The following PIAS1 variants were observed in gnomAD, a reference collection of about 807,000 sequenced individuals.
The protein encoded by PIAS1 is protein inhibitor of activated STAT 1.
In PIAS1, 6 loss-of-function variants were observed where a neutral mutation model predicts 71.3. The observed-to-expected ratio is 0.08, with a 90% confidence interval of 0.05 to 0.17. The LOEUF (loss-of-function observed/expected upper bound fraction) is 0.17, where lower values mean the gene tolerates loss of function less well. Among genes scored for constraint, PIAS1 ranks in the 10% least tolerant of loss-of-function variants. The pLI is 1.00. For missense variants in PIAS1, 555 were observed against 793.6 expected, an observed-to-expected ratio of 0.70 and a Z score of 3.61; for synonymous variants, 303 against 292.9, an observed-to-expected ratio of 1.03 and a Z score of -0.35.
At chr15:68,142,426 G>A (rs535945110) in intron 4 of PIAS1, 89 bp downstream of exon 4, 11 of 988,674 alleles carry the variant, frequency 1.1e-5, no homozygotes, top group South Asian at 7.4e-5. Flanking sequence ...AGTGCTGACT[G>A]TAGGATATAT....
At chr15:68,165,804 G>A (rs1373231722) in intron 8 of PIAS1, among the ~76,000 whole-genome samples, 1 of 152,074 alleles carries the variant, frequency 6.6e-6, no homozygotes, top group African/African-American at 2.4e-5. Flanking sequence ...TGACATTTTG[G>A]TTACTTTTTG....
At position 68,146,703 on chromosome 15, in the gene PIAS1, A is replaced by G; in HGVS notation, c.828+3A>G. ...CTTGGACTGCAGAAATTGGAAGAGT[A>G]AGTAAATTTTTGTTTCTACCAGATT... On this transcript the variant is annotated splice_donor_region_variant and intron_variant, in intron 6 of 13. Coordinates refer to ENST00000249636, the MANE Select transcript of PIAS1 (RefSeq NM_016166.3). 6.2e-7 allele frequency: 1 copy of G among 1,603,342 alleles called. No homozygotes were observed. The highest frequency in any genetic ancestry group is 8.5e-7 in the Non-Finnish European group (1 of 1,173,392).
chr15:68,115,725 TC>T (rs2092560020), intron 2 of PIAS1, among the ~76,000 whole-genome samples: 1 of 152,116 alleles, frequency 6.6e-6, no homozygotes, highest in Non-Finnish European at 1.5e-5. Flanking sequence ...ATTCCTGGTT[TC>T]TGGAGAGTGT....
intron 8 of PIAS1, among the ~76,000 whole-genome samples, chr15:68,169,847 A>G (rs1343155949): frequency 2.0e-5 from 3 of 152,180 alleles, no homozygotes; most frequent in African/African-American, 7.2e-5. Flanking sequence ...AATCCCCACA[A>G]TCATATTGTG....
Position 68,060,109 on chromosome 15 carries a change from C to T in PIAS1, c.24+5759C>T, listed in dbSNP as rs148413215. 2.8e-4 allele frequency among the ~76,000 whole-genome samples: 42 copies of T among 152,106 alleles called. 1 individual carries two copies. The East Asian group carries it at 3.3e-3, about 12-fold the overall frequency. ...CAGAATGTTTGATAAAGTATGAAAT[C>T]GATTATGAAGTAGTATTTTATAATC... On this transcript the variant is annotated intron_variant, in intron 1 of 13. Transcript: ENST00000249636.
At chr15:68,184,309 A>G (rs986810913) in intron 13 of PIAS1, 4 of 152,276 alleles carry the variant, frequency 2.6e-5, no homozygotes, top group Admixed American at 6.5e-5. Flanking sequence ...ACAGTCTTAA[A>G]GAACAAGAAC....
intron 2 of PIAS1, among the ~76,000 whole-genome samples, chr15:68,091,217 A>G (rs545732732): frequency 1.3e-5 from 2 of 152,304 alleles, no homozygotes; most frequent in East Asian, 3.9e-4. Context: ...TATCTTGTCC[A>G]TTCAGGGACA....
At chr15:68,128,054 C>T (rs1211439615) in intron 2 of PIAS1, among the ~76,000 whole-genome samples, 1 of 152,144 alleles carries the variant, frequency 6.6e-6, no homozygotes, top group Admixed American at 6.5e-5. Flanking sequence ...CGTGAGCTAC[C>T]ATGCCTGGCC....
chr15:68,124,412 T>G (rs2092635435), intron 2 of PIAS1, among the ~76,000 whole-genome samples: 1 of 151,542 alleles, frequency 6.6e-6, no homozygotes, highest in African/African-American at 2.4e-5. Flanking sequence ...TTTTGTTTTT[T>G]TTTTTTCATT....
chr15:68,172,640 G>A (rs1190095820), intron 8 of PIAS1, among the ~76,000 whole-genome samples: 1 of 152,302 alleles, frequency 6.6e-6, no homozygotes, highest in East Asian at 1.9e-4. Context: ...TGTGGTTATT[G>A]AAAGTAGATA....
At chr15:68,144,054 A>AT (rs1230538516) in intron 4 of PIAS1, among the ~76,000 whole-genome samples, 1 of 151,924 alleles carries the variant, frequency 6.6e-6, no homozygotes, top group Non-Finnish European at 1.5e-5. Flanking sequence ...GATGAGCTAT[A>AT]ATTCAGAGAT....
rs566593269 is a variant in PIAS1 at position 68,190,292 on chromosome 15, A to G, written c.*2457A>G. The G allele has an allele frequency of 2.6e-5, 4 of 152,258 alleles. No homozygotes were observed. Among genetic ancestry groups the G allele is most frequent in the Admixed American group, 2.0e-4 (3 of 15,292 alleles). The allele number at this position is 152,258 out of a possible 1,614,324, so 9.4% of individuals were successfully genotyped here. A position where few individuals can be genotyped will look rare whatever the true frequency, so the allele number is the denominator to read the frequency against. On this transcript the variant is annotated 3_prime_UTR_variant, in exon 14 of 14. Coordinates refer to ENST00000249636, the MANE Select transcript of PIAS1 (RefSeq NM_016166.3). This position sits in a 1 kb window ranked among gnomAD's most constrained non-coding sequence, Gnocchi z 4.7. ...AGTTGTCTTAATTTTAGTTCGTTCT[A>G]CCCTGTGAGGAGTTTGTTTCCATCA... is the stretch of plus-strand genomic sequence containing the variant.
At chr15:68,095,175 C>A (rs1222911597) in intron 2 of PIAS1, among the ~76,000 whole-genome samples, 2 of 151,940 alleles carry the variant, frequency 1.3e-5, no homozygotes, top group Non-Finnish European at 2.9e-5. Flanking sequence ...GAAGTAAGTA[C>A]AGTTTATCAA....
chr15:68,068,982 A>C (rs1267196377), intron 1 of PIAS1, among the ~76,000 whole-genome samples: 1 of 129,518 alleles, frequency 7.7e-6, no homozygotes, highest in Non-Finnish European at 1.6e-5. Flanking sequence ...TGCAACCTCC[A>C]CCTCCTGGGT....
chr15:68,072,261 G>C (rs947616082), intron 1 of PIAS1, among the ~76,000 whole-genome samples: 1 of 151,516 alleles, frequency 6.6e-6, no homozygotes, highest in African/African-American at 2.4e-5. Context: ...TTAGCTGGGC[G>C]TGGTGGCGGG....
At chr15:68,112,085 C>A (rs1483487916) in intron 2 of PIAS1, among the ~76,000 whole-genome samples, 1 of 152,126 alleles carries the variant, frequency 6.6e-6, no homozygotes, top group Non-Finnish European at 1.5e-5. Flanking sequence ...TAAAGGCTTC[C>A]ACCAATATAT....
At chr15:68,180,692 C>G (rs1231519797) in intron 11 of PIAS1, among the ~76,000 whole-genome samples, 1 of 152,062 alleles carries the variant, frequency 6.6e-6, no homozygotes, top group East Asian at 1.9e-4. Flanking sequence ...TAAACAATAC[C>G]CAGTTTTTGC....
At chr15:68,175,479 T>G (rs960280243) in intron 9 of PIAS1, among the ~76,000 whole-genome samples, 158 bp from the exon 10 acceptor site, 2 of 152,234 alleles carry the variant, frequency 1.3e-5, no homozygotes, top group African/African-American at 4.8e-5. Context: ...GAAAATGTCA[T>G]TTTTCATGGT....
chr15:68,187,427 A>G lies in PIAS1; in HGVS notation c.1663-115A>G, dbSNP rs2093094993. 2 of 933,388 alleles carry G rather than the reference A, an allele frequency of 2.1e-6. No individual in the cohort carries two copies. Among genetic ancestry groups the G allele is most frequent in the East Asian group, 2.5e-5 (1 of 39,280 alleles). 57.8% of individuals were successfully genotyped at this position (933,388 alleles called of 1,614,324 possible). A position where few individuals can be genotyped will look rare whatever the true frequency, so the allele number is the denominator to read the frequency against. ...TGCAAAATGTCTTAGTAAATATTTCAGAAACCCTAGATACTCAGGCTATCT... is the reference window on the plus strand; with the variant it reads ...TGCAAAATGTCTTAGTAAATATTTCGGAAACCCTAGATACTCAGGCTATCT... On this transcript the variant is annotated intron_variant, in intron 13 of 13. Coordinates refer to ENST00000249636, the MANE Select transcript of PIAS1 (RefSeq NM_016166.3). This position sits in a 1 kb window ranked among gnomAD's most constrained non-coding sequence, Gnocchi z 5.3.
Sources: gnomAD v4.1 joint callset for allele counts (sites outside exome capture counted in the v4.1 genomes callset) on GRCh38, gnomAD v4.1.1 for gene constraint, Gnocchi (gnomAD v3.1) non-coding constraint, MANE v1.5 for transcripts, NCBI Gene and HGNC (gene_info 2026-07-23, HGNC 2026-07-21) for gene names.